DDX24: variants seen among roughly 807,000 people sequenced by gnomAD.
DDX24 encodes the protein DEAD-box helicase 24.
DDX24 carries 24 observed loss-of-function variants against 68.9 expected under a neutral mutation model. The observed-to-expected ratio is 0.35, with a 90% confidence interval of 0.25 to 0.49. The LOEUF is 0.49. Ranked by LOEUF, DDX24 falls within the 20% of genes least tolerant of loss-of-function variation. The pLI, the probability that DDX24 is intolerant of heterozygous loss-of-function variation, is 0.99. For missense variants in DDX24, 989 were observed against 1,039.0 expected (o/e 0.95, Z 0.66); for synonymous variants, 395 against 385.2 (o/e 1.03, Z -0.30).
In DDX24 at chr14:94,060,525, G is replaced by A. The variant is rs1435543477; in HGVS notation, c.1486C>T (p.Gln496Ter). 2.5e-6 allele frequency: 4 copies of A among 1,614,132 alleles called. No homozygotes were observed. Among genetic ancestry groups the A allele is most frequent in the Non-Finnish European group, 3.4e-6 (4 of 1,180,030 alleles). Residue 496 changes from glutamine (Q) to a stop codon, truncating the protein, a stop_gained, in exon 5 of 9, where the codon CAA becomes TAA. Transcript: ENST00000621632. LOFTEE classifies it high-confidence loss of function. The stretch of plus-strand genomic sequence containing the variant: ...AGCGTTTGTCTCTTTGGGTTGTATT[G>A]GGAGTCATTGAGCATCTCTAGCAGC... ...SQLLEMLNDS[Q>*]YNPKRQTLVF...
intron 2 of DDX24, among the ~76,000 whole-genome samples, chr14:94,073,893 A>T (rs1452516046): frequency 2.6e-5 from 4 of 151,916 alleles, no homozygotes; most frequent in African/African-American, 7.3e-5. Flanking sequence ...AATACAAAAA[A>T]TTAGCCGGGC....
At position 94,051,376 on chromosome 14, in the gene DDX24, G is replaced by C. The variant is rs1284586009; in HGVS notation, c.2395C>G (p.Pro799Ala). Residue 799 changes from proline to alanine, a missense_variant, in exon 9 of 9, where the codon CCA (proline) becomes GCA (alanine). Pro to Ala is a conservative substitution (Grantham distance 27). This residue lies in a region of DDX24 where 691 missense variants were observed against 760.0 expected (regional missense o/e 0.91). Coordinates refer to ENST00000621632, the MANE Select transcript of DDX24 (RefSeq NM_020414.4). ...GTTTTCTGGCTCTCCGTAAACAGTG[G>C]CTGGGACAGCAGGTGGCGCAGCTCC... ...KKELRHLLSQ[P>A]LFTESQKTKY... The C allele has an allele frequency of 1.9e-6, 3 of 1,612,320 alleles. No individual in the cohort carries two copies. Among genetic ancestry groups the C allele is most frequent in the African/African-American group, 2.7e-5 (2 of 74,934 alleles).
chr14:94,066,031 G>C (rs1022727178), intron 2 of DDX24, among the ~76,000 whole-genome samples: 4 of 152,132 alleles, frequency 2.6e-5, no homozygotes, highest in African/African-American at 9.7e-5. Flanking sequence ...TCGGGGGAGG[G>C]CACGAATCCA....
chr14:94,061,064 T>C lies in DDX24; in HGVS notation c.1246A>G (p.Ile416Val), dbSNP rs774083962. Residue 416 changes from isoleucine (I) to valine (V), a missense_variant and splice_region_variant, in exon 4 of 9, where the codon ATT becomes GTT. Transcript: ENST00000621632. ...HIDAVARFTG[I>V]KTAILVGGMS... ...CCACCAACCAAAATAGCAGTTTTAATTCCTATGGGACAGAAAACATAAGGG... is the reference window on the plus strand; with the variant it reads ...CCACCAACCAAAATAGCAGTTTTAACTCCTATGGGACAGAAAACATAAGGG... The C allele has an allele frequency of 6.2e-7, 1 of 1,614,090 alleles. No individual in the cohort carries two copies. Among genetic ancestry groups the C allele is most frequent in the Non-Finnish European group, 8.5e-7 (1 of 1,179,970 alleles).
At chr14:94,059,992 G>A (rs1885561087) in intron 5 of DDX24, 106 bp downstream of exon 5, 1 of 1,337,514 alleles carries the variant, frequency 7.5e-7, no homozygotes. Context: ...CTGAGACAAG[G>A]CCCCTATGAC....
At chr14:94,071,902 G>A (rs1056334666) in intron 2 of DDX24, among the ~76,000 whole-genome samples, 25 of 152,156 alleles carry the variant, frequency 1.6e-4, no homozygotes, top group Non-Finnish European at 2.2e-4. Context: ...CCGAGATTGC[G>A]CCATTGCACT....
At chr14:94,080,427 GAT>G (rs1886047513) in intron 1 of DDX24, among the ~76,000 whole-genome samples, 1 of 152,176 alleles carries the variant, frequency 6.6e-6, no homozygotes, top group Non-Finnish European at 1.5e-5. Flanking sequence ...GGCCAAGAAA[GAT>G]AACAGATTCC....
rs1469047965 is a variant in DDX24 at position 94,048,702 on chromosome 14, C to G, written c.*2489G>C. 1.3e-5 allele frequency: 2 copies of G among 152,234 alleles called. No individual in the cohort carries two copies. The highest frequency in any genetic ancestry group is 2.9e-5 in the Non-Finnish European group (2 of 68,052). The allele number at this position is 152,234 out of a possible 1,614,324, so 9.4% of individuals were successfully genotyped here. On this transcript the variant is annotated 3_prime_UTR_variant, in exon 9 of 9. Coordinates refer to ENST00000621632, the MANE Select transcript of DDX24 (RefSeq NM_020414.4). The stretch of plus-strand genomic sequence containing the variant: ...GCACTGCAGATGGGGAAGCATGTCA[C>G]CTTGGCAGTGACTCGGTGGCTTCCC...
chr14:94,076,434 G>A (rs1400060755), intron 2 of DDX24, among the ~76,000 whole-genome samples: 1 of 152,146 alleles, frequency 6.6e-6, no homozygotes, highest in Non-Finnish European at 1.5e-5. Context: ...TGTAATCCCA[G>A]CACTTTGGGA....
In DDX24 at chr14:94,078,485, T is replaced by C. The variant is rs117746379; in HGVS notation, c.718+540A>G. Among the ~76,000 whole-genome samples, 164 of 152,218 alleles carry C rather than the reference T, an allele frequency of 1.1e-3. 3 individuals carry two copies. The South Asian group carries it at 0.016, about 15-fold the overall frequency. ...TTCATAGCTGAATCTGTTTACAAAA[T>C]CCACCCAATGACTACCCACCACACT... On this transcript the variant is annotated intron_variant, in intron 2 of 8. Coordinates refer to ENST00000621632, the MANE Select transcript of DDX24 (RefSeq NM_020414.4).
At chr14:94,077,280 A>T (rs1885963749) in intron 2 of DDX24, among the ~76,000 whole-genome samples, 1 of 152,250 alleles carries the variant, frequency 6.6e-6, no homozygotes, top group Non-Finnish European at 1.5e-5. Context: ...TCACAGCCCC[A>T]GATGGATGAC....
chr14:94,062,337 C>A lies in DDX24; in HGVS notation c.1003G>T (p.Asp335Tyr). 6.2e-7 allele frequency: 1 copy of A among 1,614,234 alleles called. No individual in the cohort carries two copies. The highest frequency in any genetic ancestry group is 8.5e-7 in the Non-Finnish European group (1 of 1,180,048). ...GAAGAAGGCCCTTCACCAGCATCAT[C>A]GTCACCAAAGAGCAACGCCTGGTCT... Reference protein sequence around the residue: ...VSDQALLFGDDDAGEGPSSLI... With the variant: ...VSDQALLFGDYDAGEGPSSLI... Residue 335 changes from aspartate (D) to tyrosine (Y), a missense_variant, in exon 3 of 9, where the codon GAT becomes TAT. Asp to Tyr is a radical substitution (Grantham distance 160). Around this residue, in one of 3 missense-constraint regions of DDX24, gnomAD observed 691 missense variants for 760.0 expected, o/e 0.91. Transcript: ENST00000621632.
chr14:94,077,188 T>C (rs927981178), intron 2 of DDX24, among the ~76,000 whole-genome samples: 9 of 152,226 alleles, frequency 5.9e-5, no homozygotes, highest in African/African-American at 1.7e-4. Flanking sequence ...AAATTATACA[T>C]GGATTTTCGA....
chr14:94,076,568 C>T (rs1885944550), intron 2 of DDX24, among the ~76,000 whole-genome samples: 1 of 151,374 alleles, frequency 6.6e-6, no homozygotes, highest in African/African-American at 2.4e-5. Context: ...GTAATCCCAG[C>T]TATTCGGGAA....
intron 5 of DDX24, among the ~76,000 whole-genome samples, chr14:94,058,350 T>C (rs1207275775): frequency 6.6e-6 from 1 of 152,156 alleles, no homozygotes; most frequent in Non-Finnish European, 1.5e-5. Context: ...GCCTCAGATG[T>C]CCATATGACT....
In DDX24 at chr14:94,079,663, C is replaced by A; in HGVS notation, c.80G>T (p.Gly27Val). The A allele has an allele frequency of 6.2e-7, 1 of 1,614,190 alleles. No homozygotes were observed. The highest frequency in any genetic ancestry group is 2.2e-5 in the East Asian group (1 of 44,882). Residue 27 changes from glycine (G) to valine (V), a missense_variant, in exon 2 of 9, where the codon GGA becomes GTA. This residue lies in a region of DDX24 where 295 missense variants were observed against 263.0 expected (regional missense o/e 1.12). Transcript: ENST00000621632. ...KFQTKGIKVV[G>V]KWKEVKIDPN... ...GTCAATCTTCACTTCCTTCCATTTTCCCACAACTTTGATTCCCTTTGTCTG... is the reference window on the plus strand; with the variant it reads ...GTCAATCTTCACTTCCTTCCATTTTACCACAACTTTGATTCCCTTTGTCTG...
At position 94,061,698 on chromosome 14, in the gene DDX24, T is replaced by C. The variant is rs1885600627; in HGVS notation, c.1243+399A>G. Among the ~76,000 whole-genome samples, 3 of 152,192 alleles carry C rather than the reference T, an allele frequency of 2.0e-5. No individual in the cohort carries two copies. In the South Asian group the frequency reaches 6.2e-4, roughly 32 times the overall value. On this transcript the variant is annotated intron_variant, in intron 3 of 8. Coordinates refer to ENST00000621632, the MANE Select transcript of DDX24 (RefSeq NM_020414.4). ...TTTCTGAAAGGGTCACTAGTGAACA[T>C]TACTGACCTCATAGGCCAGATGGTC... is the stretch of plus-strand genomic sequence containing the variant.
intron 2 of DDX24, among the ~76,000 whole-genome samples, chr14:94,063,505 C>T (rs1023632251): frequency 3.3e-5 from 5 of 152,222 alleles, no homozygotes; most frequent in African/African-American, 1.2e-4. Context: ...AATTCACCAG[C>T]AGCAAATGTA....
Position 94,051,162 on chromosome 14 carries a change from A to G in DDX24, c.*29T>C. ...TGCAAATAGCCAGAGAACAGAAACC[A>G]ATGTGCAGTCACTGACACACTTGAC... On this transcript the variant is annotated 3_prime_UTR_variant, in exon 9 of 9. Coordinates refer to ENST00000621632, the MANE Select transcript of DDX24 (RefSeq NM_020414.4). 2 of 1,493,698 alleles carry G rather than the reference A, an allele frequency of 1.3e-6. No homozygotes were observed. The highest frequency in any genetic ancestry group is 2.8e-5 in the South Asian group (2 of 72,606). The allele number at this position is 1,493,698 out of a possible 1,614,324, so 92.5% of individuals were successfully genotyped here. A position where few individuals can be genotyped will look rare whatever the true frequency, so the allele number is the denominator to read the frequency against.
Sources: allele counts gnomAD v4.1 joint callset (sites outside exome capture counted in the v4.1 genomes callset), GRCh38; gene constraint gnomAD v4.1.1; regional missense constraint gnomAD v4.1.1; transcripts MANE v1.5; gene names NCBI Gene and HGNC (gene_info 2026-07-23, HGNC 2026-07-21).